Variants in DHX58 observed in about 807,000 individuals in gnomAD.
The protein encoded by DHX58 is DExH-box helicase 58.
Under a neutral mutation model 65.0 loss-of-function variants are expected in DHX58, and 51 were observed. That is an observed-to-expected ratio of 0.78 (90% confidence interval 0.63 to 0.99). DHX58 has a LOEUF of 0.99. DHX58 is among the 50% of genes least tolerant of loss of function. The pLI, the probability that DHX58 is intolerant of heterozygous loss-of-function variation, is 0.00. For synonymous variants in DHX58, 350 were observed against 365.0 expected, an observed-to-expected ratio of 0.96 and a Z score of 0.47; for missense variants, 773 against 891.8, an observed-to-expected ratio of 0.87 and a Z score of 1.70.
intron 1 of DHX58, 190 bp from the exon 2 acceptor site, chr17:42,112,395 TC>T (rs1174392783): frequency 6.8e-6 from 2 of 296,020 alleles, no homozygotes; most frequent in African/African-American, 4.5e-5. Flanking sequence ...GGGCCACAGC[TC>T]CATTCTGGGA....
chr17:42,102,364 G>A (rs782110521), intron 12 of DHX58, 52 bp from the exon 13 acceptor site: 109 of 1,514,118 alleles, frequency 7.2e-5, no homozygotes, highest in Non-Finnish European at 9.3e-5. Flanking sequence ...CTCAGCCCCG[G>A]ATCTCATGCC....
At chr17:42,105,648 C>T (rs1244940891) in intron 9 of DHX58, 88 bp downstream of exon 9, 1 of 1,484,660 alleles carries the variant, frequency 6.7e-7, no homozygotes, top group East Asian at 2.4e-5. Context: ...CTCCCTGCCC[C>T]CACCTCTCTG....
Position 42,110,792 on chromosome 17 carries a change from C to A in DHX58, c.492G>T (p.Leu164=), listed in dbSNP as rs199844647. The A allele has an allele frequency of 4.1e-5, 66 of 1,613,728 alleles. No individual in the cohort carries two copies. The highest frequency in any genetic ancestry group is 1.6e-4 in the Middle Eastern group (1 of 6,082). ...CAGTGCCTGGGGAGGCTGTGAGACC[C>A]AGCACCTGGGGTAGCGGCTGTGCCC... ...LQRAQPLPQV[L]GLTASPGTGG... Residue 164 remains leucine, a synonymous_variant, in exon 5 of 14, where the codon CTG becomes CTT. Transcript: ENST00000251642.
In DHX58 at chr17:42,103,296, CT is replaced by C. The variant is rs782157653; in HGVS notation, c.1754+311del. ...GGAGGATGGCCCAGGGATGGCCAAGCTCTCTTGATATCTTCGGAATAGGTAG... is the reference window on the plus strand; with the variant it reads ...GGAGGATGGCCCAGGGATGGCCAAGCCTCTTGATATCTTCGGAATAGGTAG... On this transcript the variant is annotated intron_variant, in intron 12 of 13. Coordinates refer to ENST00000251642, the MANE Select transcript of DHX58 (RefSeq NM_024119.3). The C allele has an allele frequency of 5.2e-4, 190 of 366,644 alleles. 3 individuals carry two copies. The highest frequency in any genetic ancestry group is 7.0e-5 in the Non-Finnish European group (14 of 200,836). The allele number at this position is 366,644 out of a possible 1,614,324, so 22.7% of individuals were successfully genotyped here.
intron 3 of DHX58, 36 bp downstream of exon 3, chr17:42,111,689 G>C: frequency 6.3e-7 from 1 of 1,586,338 alleles, no homozygotes; most frequent in Non-Finnish European, 8.6e-7. Context: ...GACCCTGCTT[G>C]GTGGTGGGAG....
intron 9 of DHX58, 107 bp downstream of exon 9, chr17:42,105,629 C>T: frequency 1.4e-6 from 2 of 1,475,256 alleles, no homozygotes; most frequent in East Asian, 2.4e-5. Flanking sequence ...CTTTCTCTTT[C>T]CCCAGGGTCT....
At chr17:42,107,939 A>G (rs1280763474) in intron 7 of DHX58, 43 bp downstream of exon 7, 2 of 1,604,608 alleles carry the variant, frequency 1.2e-6, no homozygotes, top group African/African-American at 1.4e-5. Context: ...GCCCCTGACC[A>G]CTCCCACATC....
intron 9 of DHX58, 85 bp from the exon 10 acceptor site, chr17:42,105,252 G>C: frequency 6.9e-7 from 1 of 1,459,542 alleles, no homozygotes. Context: ...GCCTCTTCTG[G>C]TTCAGCCCTC....
Position 42,101,624 on chromosome 17 carries a change from G to T in DHX58, c.*137C>A, listed in dbSNP as rs1334774687. The T allele has an allele frequency of 1.6e-6, 2 of 1,226,194 alleles. No individual in the cohort carries two copies. The highest frequency in any genetic ancestry group is 2.3e-6 in the Non-Finnish European group (2 of 881,746). 76.0% of individuals were successfully genotyped at this position (1,226,194 alleles called of 1,614,324 possible). On this transcript the variant is annotated 3_prime_UTR_variant, in exon 14 of 14. Coordinates refer to ENST00000251642, the MANE Select transcript of DHX58 (RefSeq NM_024119.3). ...TTGTTTTCCCATTGCGGGAGCCTAA[G>T]CCAGGGTGCCCAGGACTCCTGTGTG...
At chr17:42,105,654 C>G in intron 9 of DHX58, 82 bp downstream of exon 9, 1 of 1,491,096 alleles carries the variant, frequency 6.7e-7, no homozygotes, top group East Asian at 2.4e-5. Context: ...GCCCCCACCT[C>G]TCTGTGCTGA....
rs782186420 is a variant in DHX58 at position 42,101,888 on chromosome 17, C to T, written c.1910G>A (p.Ser637Asn). Residue 637 changes from serine to asparagine, a missense_variant, in exon 14 of 14, where the codon AGC (serine) becomes AAC (asparagine). Coordinates refer to ENST00000251642, the MANE Select transcript of DHX58 (RefSeq NM_024119.3). The part of the protein sequence containing the change: ...SVKLPVLKVR[S>N]MLLETPQGRI... Reference sequence around the variant, plus strand: ...CCCCTGAGGGGTCTCCAGCAGCATGCTGCGGACTTTGAGCACTGGCAGCTT... The same window carrying T: ...CCCCTGAGGGGTCTCCAGCAGCATGTTGCGGACTTTGAGCACTGGCAGCTT... The T allele has an allele frequency of 5.6e-6, 9 of 1,614,240 alleles. No individual in the cohort carries two copies. Among genetic ancestry groups the T allele is most frequent in the Non-Finnish European group, 7.6e-6 (9 of 1,180,038 alleles).
chr17:42,109,375 G>A lies in DHX58; in HGVS notation c.573C>T (p.Asn191=), dbSNP rs1393802808. 6.2e-7 allele frequency: 1 copy of A among 1,613,558 alleles called. No homozygotes were observed. Residue 191 remains asparagine (N), a synonymous_variant, in exon 6 of 14, where the codon AAC becomes AAT. Coordinates refer to ENST00000251642, the MANE Select transcript of DHX58 (RefSeq NM_024119.3). ...GTGACATGATGCACCACGTGTCCAAGTTGGCACAGAGCTGGGGGCAACAGA... is the reference window on the plus strand; with the variant it reads ...GTGACATGATGCACCACGTGTCCAAATTGGCACAGAGCTGGGGGCAACAGA... ...AINHVLQLCA[N]LDTWCIMSPQ... is the part of the protein sequence containing the mutation.
chr17:42,106,317 G>A (rs376049167), intron 8 of DHX58, among the ~76,000 whole-genome samples: 1 of 143,510 alleles, frequency 7.0e-6, no homozygotes, highest in African/African-American at 2.6e-5. Flanking sequence ...AGGGAGGGAG[G>A]GAAAGAAAGA....
Position 42,101,597 on chromosome 17 carries a change from G to T in DHX58, c.*164C>A, listed in dbSNP as rs1184084367. On this transcript the variant is annotated 3_prime_UTR_variant, in exon 14 of 14. Coordinates refer to ENST00000251642, the MANE Select transcript of DHX58 (RefSeq NM_024119.3). The stretch of plus-strand genomic sequence containing the variant: ...GGTCTGGACTAAGCTCTGGCCCTCC[G>T]GTTGTTTTCCCATTGCGGGAGCCTA... 52 of 840,006 alleles carry T rather than the reference G, an allele frequency of 6.2e-5. No individual in the cohort carries two copies. Among genetic ancestry groups the T allele is most frequent in the Non-Finnish European group, 7.4e-6 (4 of 543,460 alleles). 52.0% of individuals were successfully genotyped at this position (840,006 alleles called of 1,614,324 possible).
chr17:42,108,237 C>G, intron 6 of DHX58, 129 bp from the exon 7 acceptor site: 16 of 1,422,046 alleles, frequency 1.1e-5, no homozygotes, highest in Non-Finnish European at 1.4e-5. Context: ...GGTGTGAGCT[C>G]CAGAGGGAGG....
chr17:42,109,363 C>A lies in DHX58; in HGVS notation c.585G>T (p.Trp195Cys), dbSNP rs782766966. Residue 195 changes from tryptophan (W) to cysteine (C), a missense_variant, in exon 6 of 14, where the codon TGG becomes TGT. By Grantham distance (215) the Trp-to-Cys change is radical (BLOSUM62 -2). Transcript: ENST00000251642. The part of the protein sequence containing the change: ...VLQLCANLDT[W>C]CIMSPQNCCP... ...AGCAGTTCTGGGGTGACATGATGCA[C>A]CACGTGTCCAAGTTGGCACAGAGCT... 1.2e-5 allele frequency: 20 copies of A among 1,613,370 alleles called. No individual in the cohort carries two copies. The highest frequency in any genetic ancestry group is 1.7e-5 in the Non-Finnish European group (20 of 1,179,748).
At chr17:42,102,119 G>T in intron 13 of DHX58, 97 bp downstream of exon 13, 1 of 1,478,920 alleles carries the variant, frequency 6.8e-7, no homozygotes, top group Non-Finnish European at 9.4e-7. Context: ...AGGCCATGGG[G>T]TGGGACTGTC....
chr17:42,102,095 C>G (rs1414323976), intron 13 of DHX58, 121 bp downstream of exon 13: 2 of 1,434,582 alleles, frequency 1.4e-6, no homozygotes, highest in African/African-American at 2.8e-5. Context: ...GCTGGACCTC[C>G]CTCTTCAGAC....
intron 5 of DHX58, 61 bp from the exon 6 acceptor site, chr17:42,109,447 T>C (rs2094893368): frequency 1.4e-6 from 2 of 1,441,372 alleles, no homozygotes; most frequent in Admixed American, 3.6e-5. Flanking sequence ...GGTCAAAGAT[T>C]TGGGGCAGGA....
Sources: gnomAD v4.1 joint callset for allele counts (sites outside exome capture counted in the v4.1 genomes callset) on GRCh38, gnomAD v4.1.1 for gene constraint, MANE v1.5 for transcripts, NCBI Gene and HGNC (gene_info 2026-07-23, HGNC 2026-07-21) for gene names.